SLC39A11: variants seen among roughly 807,000 people sequenced by gnomAD.
The protein encoded by SLC39A11 is solute carrier family 39 member 11, also known as zinc transporter ZIP11.
A neutral mutation model predicts 36.1 loss-of-function variants in SLC39A11; 33 were observed. The ratio of observed to expected loss-of-function variants is 0.91; its 90% CI spans 0.69 to 1.22. SLC39A11 has a LOEUF of 1.22. Among genes scored for constraint, SLC39A11 ranks in the 50% most tolerant of loss-of-function variants. The pLI is 0.00. For missense variants in SLC39A11, 432 were observed against 430.3 expected (o/e 1.00, Z -0.03); for synonymous variants, 166 against 170.3 (o/e 0.97, Z 0.20).
At chr17:72,967,369 T>TGAGAGAGAGAGAGAGA (rs1398782916) in intron 4 of SLC39A11, among the ~76,000 whole-genome samples, 2 of 15,904 alleles carry the variant, frequency 1.3e-4, no homozygotes, top group Admixed American at 2.6e-3. Flanking sequence ...ATAAGCATGC[T>TGAGAGAGAGAGAGAGA]CAGAGAGAGA....
chr17:72,852,523 C>T (rs1338114880), intron 5 of SLC39A11, among the ~76,000 whole-genome samples: 3 of 152,132 alleles, frequency 2.0e-5, no homozygotes, highest in Admixed American at 6.5e-5. Context: ...TTACACAAGG[C>T]GAAGCTCCAC....
intron 7 of SLC39A11, among the ~76,000 whole-genome samples, chr17:72,706,853 AT>A (rs1567967887): frequency 6.6e-6 from 1 of 152,154 alleles, no homozygotes; most frequent in African/African-American, 2.4e-5. Flanking sequence ...GCCCAACACA[AT>A]TCAAACAGAA....
intron 4 of SLC39A11, 59 bp from the exon 5 acceptor site, chr17:72,947,934 CT>C: frequency 6.3e-7 from 1 of 1,594,852 alleles, no homozygotes; most frequent in Non-Finnish European, 8.5e-7. Context: ...TCCCCAGATG[CT>C]TCTGGCTCAC....
At chr17:73,016,068 G>C (rs911612883) in intron 4 of SLC39A11, among the ~76,000 whole-genome samples, 1 of 152,038 alleles carries the variant, frequency 6.6e-6, no homozygotes, top group Non-Finnish European at 1.5e-5. Context: ...ACTTCTTCAG[G>C]TCTCAGTTTT....
chr17:72,953,226 G>A (rs1356855342), intron 4 of SLC39A11, among the ~76,000 whole-genome samples: 1 of 151,916 alleles, frequency 6.6e-6, no homozygotes, highest in African/African-American at 2.4e-5. Context: ...CTTGGTGGGG[G>A]GCCAATCCCT....
intron 5 of SLC39A11, among the ~76,000 whole-genome samples, chr17:72,946,085 G>C (rs1283602469): frequency 6.6e-6 from 1 of 152,228 alleles, no homozygotes; most frequent in East Asian, 1.9e-4. Context: ...CTGTGGCCTT[G>C]TGTTCAGAAC....
intron 4 of SLC39A11, among the ~76,000 whole-genome samples, chr17:73,013,995 T>C (rs2090671345): frequency 6.6e-6 from 1 of 152,128 alleles, no homozygotes; most frequent in Non-Finnish European, 1.5e-5. Flanking sequence ...TGCTGTGCCT[T>C]GGCAATCGTA....
intron 5 of SLC39A11, among the ~76,000 whole-genome samples, chr17:72,878,230 C>G (rs939076944): frequency 2.0e-5 from 3 of 152,078 alleles, no homozygotes; most frequent in African/African-American, 7.3e-5. Flanking sequence ...TCTCTCCTTT[C>G]CAGAACCAGG....
chr17:72,993,239 T>G (rs2089296521), intron 4 of SLC39A11, among the ~76,000 whole-genome samples: 1 of 152,128 alleles, frequency 6.6e-6, no homozygotes, highest in Non-Finnish European at 1.5e-5. Context: ...TAAATTTGAT[T>G]ATTGTAAAGA....
intron 5 of SLC39A11, among the ~76,000 whole-genome samples, chr17:72,928,519 T>A (rs187347824): frequency 6.6e-6 from 1 of 152,210 alleles, no homozygotes; most frequent in Non-Finnish European, 1.5e-5. Context: ...AGAATTTGAA[T>A]GGAAGAAAAC....
At chr17:72,960,793 T>A (rs551811264) in intron 4 of SLC39A11, among the ~76,000 whole-genome samples, 1 of 151,330 alleles carries the variant, frequency 6.6e-6, no homozygotes, top group African/African-American at 2.4e-5. Flanking sequence ...CCAAGCAACA[T>A]AGTGAGACCT....
Position 72,891,918 on chromosome 17 carries a change from G to T in SLC39A11, c.431-42114C>A, listed in dbSNP as rs1363962439. 1.1e-4 allele frequency among the ~76,000 whole-genome samples: 17 copies of T among 152,062 alleles called. No individual in the cohort carries two copies. In the East Asian group the frequency reaches 3.3e-3, roughly 29 times the overall value. ...TAACTCATGAGCCTGGGGCATTACT[G>T]TTCTGTGCTATGCACTTCTGCAGCC... On this transcript the variant is annotated intron_variant, in intron 5 of 9. Transcript: ENST00000255559.
chr17:73,079,598 C>T (rs550698307), intron 3 of SLC39A11, among the ~76,000 whole-genome samples: 1 of 152,242 alleles, frequency 6.6e-6, no homozygotes, highest in South Asian at 2.1e-4. Flanking sequence ...GACAAGGATA[C>T]CCACTTTCAC....
At chr17:72,665,389 G>GGTTTTTT (rs1447098443) in intron 7 of SLC39A11, among the ~76,000 whole-genome samples, 1 of 76,636 alleles carries the variant, frequency 1.3e-5, no homozygotes, top group Non-Finnish European at 2.4e-5. Context: ...GTTTTGAGGT[G>GGTTTTTT]TTTTTTTTTT....
At chr17:72,977,219 C>T (rs796278740) in intron 4 of SLC39A11, among the ~76,000 whole-genome samples, 17 of 152,190 alleles carry the variant, frequency 1.1e-4, no homozygotes, top group African/African-American at 3.4e-4. Context: ...GGAATGTGGA[C>T]GGCCCCAAGG....
chr17:72,725,570 A>T (rs1047587876), intron 7 of SLC39A11: 1 of 152,184 alleles, frequency 6.6e-6, no homozygotes, highest in African/African-American at 2.4e-5. Flanking sequence ...CCGAACATAG[A>T]TTTGGATAGC....
chr17:72,941,218 A>G (rs1382752118), intron 5 of SLC39A11, among the ~76,000 whole-genome samples: 1 of 152,206 alleles, frequency 6.6e-6, no homozygotes, highest in Non-Finnish European at 1.5e-5. Flanking sequence ...GGCTACAGTG[A>G]GCCATGATCG....
At chr17:72,899,253 TCCCCTGCCA>T (rs1390265061) in intron 5 of SLC39A11, among the ~76,000 whole-genome samples, 1 of 118,324 alleles carries the variant, frequency 8.5e-6, no homozygotes, top group African/African-American at 3.2e-5. Flanking sequence ...ACCTTGCCCC[TCCCCTGCCA>T]CCACTCTTGC....
chr17:72,660,351 G>A (rs987069577), intron 7 of SLC39A11, among the ~76,000 whole-genome samples: 2 of 152,204 alleles, frequency 1.3e-5, no homozygotes, highest in African/African-American at 4.8e-5. Context: ...TGCTGGGCGT[G>A]CTTGTAAGCA....
Sources: gnomAD v4.1 joint callset for allele counts (sites outside exome capture counted in the v4.1 genomes callset) on GRCh38, gnomAD v4.1.1 for gene constraint, MANE v1.5 for transcripts, NCBI Gene and HGNC (gene_info 2026-07-23, HGNC 2026-07-21) for gene names.